SLC24A2: variants seen among roughly 807,000 people sequenced by gnomAD.
SLC24A2 encodes the protein solute carrier family 24 member 2, also known as sodium/potassium/calcium exchanger 2.
In SLC24A2, 36 loss-of-function variants were observed where a neutral mutation model predicts 62.0. The observed-to-expected ratio is 0.58, with a 90% CI of 0.44 to 0.77. The LOEUF is 0.77. SLC24A2 is among the 30% of genes least tolerant of loss of function. The pLI is 0.00. For missense variants in SLC24A2, 846 were observed against 817.9 expected (o/e 1.03, Z -0.42); for synonymous variants, 358 against 294.0 (o/e 1.22, Z -2.23).
the SLC24A2 span, among the ~76,000 whole-genome samples, chr9:20,257,949 G>A: frequency 3.9e-5 from 6 of 152,282 alleles, no homozygotes; most frequent in East Asian, 7.7e-4. Context: ...AAAGGGGGCT[G>A]TCTAAAAATA....
chr9:19,547,280 G>A (rs1834629024), intron 8 of SLC24A2, among the ~76,000 whole-genome samples: 1 of 152,158 alleles, frequency 6.6e-6, no homozygotes, highest in Non-Finnish European at 1.5e-5. Context: ...GCACTTGGGG[G>A]AGCAATGAAG....
At chr9:19,549,252 C>T (rs73645418) in intron 8 of SLC24A2, among the ~76,000 whole-genome samples, 4,390 of 152,312 alleles carry the variant, frequency 0.029, 208 homozygotes, top group African/African-American at 0.098. Context: ...AGTTGCCCTT[C>T]TTACCTTCTC....
At chr9:19,831,431 C>G in the SLC24A2 span, among the ~76,000 whole-genome samples, 1 of 152,302 alleles carries the variant, frequency 6.6e-6, no homozygotes, top group East Asian at 1.9e-4. Context: ...TGAAATACCT[C>G]CTTCCTGCTG....
intron 2 of SLC24A2, among the ~76,000 whole-genome samples, chr9:19,699,537 C>T (rs1330517468): frequency 6.6e-6 from 1 of 152,122 alleles, no homozygotes; most frequent in Non-Finnish European, 1.5e-5. Flanking sequence ...CTTAAGATTA[C>T]TTAATGACCT....
chr9:20,244,951 T>A, the SLC24A2 span, among the ~76,000 whole-genome samples: 1 of 152,220 alleles, frequency 6.6e-6, no homozygotes, highest in East Asian at 1.9e-4. Context: ...TGAAATAATG[T>A]ACATAAACCT....
the SLC24A2 span, among the ~76,000 whole-genome samples, chr9:20,274,265 G>A: frequency 6.6e-6 from 1 of 152,164 alleles, no homozygotes; most frequent in Non-Finnish European, 1.5e-5. Context: ...CAGGAGTGCT[G>A]GGGGCCTGCT....
chr9:19,792,618 G>A (rs1270443466), upstream of SLC24A2, among the ~76,000 whole-genome samples: 1 of 150,798 alleles, frequency 6.6e-6, no homozygotes, highest in Non-Finnish European at 1.5e-5. Flanking sequence ...TGAGGTAGGA[G>A]AATCACTTGA....
At chr9:20,191,646 C>T in the SLC24A2 span, among the ~76,000 whole-genome samples, 1 of 151,096 alleles carries the variant, frequency 6.6e-6, no homozygotes. Context: ...AGTGTGGCCT[C>T]CTTGTGGCAG....
intron 7 of SLC24A2, among the ~76,000 whole-genome samples, chr9:19,562,736 T>C (rs1835465994): frequency 6.6e-6 from 1 of 152,174 alleles, no homozygotes; most frequent in Admixed American, 6.5e-5. Flanking sequence ...TTATAATTTG[T>C]CTTAGGTTTT....
At chr9:19,881,409 G>T in the SLC24A2 span, among the ~76,000 whole-genome samples, 25 of 152,298 alleles carry the variant, frequency 1.6e-4, no homozygotes, top group African/African-American at 5.8e-4. Context: ...ACCATCTACT[G>T]ACTTAGGCTA....
At chr9:19,872,420 T>G in the SLC24A2 span, among the ~76,000 whole-genome samples, 1 of 152,212 alleles carries the variant, frequency 6.6e-6, no homozygotes, top group Non-Finnish European at 1.5e-5. Context: ...GATACACATT[T>G]CTAGTGATTG....
the SLC24A2 span, among the ~76,000 whole-genome samples, chr9:20,109,163 T>C: frequency 6.6e-6 from 1 of 152,194 alleles, no homozygotes; most frequent in South Asian, 2.1e-4. Context: ...TTTGGGTACG[T>C]ATACTCTCTG....
At chr9:19,906,974 T>G in the SLC24A2 span, among the ~76,000 whole-genome samples, 1 of 152,322 alleles carries the variant, frequency 6.6e-6, no homozygotes, top group Non-Finnish European at 1.5e-5. Flanking sequence ...TAACTCATTT[T>G]ATGAGGCCAG....
At chr9:19,793,313 C>A (rs1823342531), upstream of SLC24A2, among the ~76,000 whole-genome samples, 1 of 152,218 alleles carries the variant, frequency 6.6e-6, no homozygotes, top group Non-Finnish European at 1.5e-5. Context: ...TAGAACACTG[C>A]CATTTGCTGT....
the SLC24A2 span, among the ~76,000 whole-genome samples, chr9:20,042,015 C>G: frequency 6.6e-6 from 1 of 152,192 alleles, no homozygotes; most frequent in Non-Finnish European, 1.5e-5. Flanking sequence ...AAGAGTCTGG[C>G]ACCTGTGGTG....
the SLC24A2 span, among the ~76,000 whole-genome samples, chr9:19,894,385 T>C: frequency 6.6e-6 from 1 of 152,246 alleles, no homozygotes; most frequent in Non-Finnish European, 1.5e-5. Flanking sequence ...CCCCAGCATT[T>C]TGAATACGTT....
chr9:19,910,912 ATTTTTT>A, the SLC24A2 span, among the ~76,000 whole-genome samples: 1 of 138,798 alleles, frequency 7.2e-6, no homozygotes, highest in African/African-American at 2.7e-5. Context: ...CTTTTCTTTT[ATTTTTT>A]ATTTTATTAT....
chr9:19,762,793 C>CTTTTTTTTTTTTTTTTTTTTTTTTT lies in SLC24A2; in HGVS notation c.930+23143_930+23144insAAAAAAAAAAAAAAAAAAAAAAAAA, dbSNP rs58241037. Among the ~76,000 whole-genome samples the CTTTTTTTTTTTTTTTTTTTTTTTTT allele has an allele frequency of 2.0e-5, 2 of 102,394 alleles. 1 individual carries two copies. Among genetic ancestry groups the CTTTTTTTTTTTTTTTTTTTTTTTTT allele is most frequent in the African/African-American group, 7.3e-5 (2 of 27,348 alleles). The allele number at this position is 102,394 out of a possible 152,430, so 67.2% of individuals were successfully genotyped here. A position where few individuals can be genotyped will look rare whatever the true frequency, so the allele number is the denominator to read the frequency against. On this transcript the variant is annotated intron_variant, in intron 2 of 10. Transcript: ENST00000341998. ...CTTAGGATTGTCTTGGCTATATGTG[C>CTTTTTTTTTTTTTTTTTTTTTTTTT]TTTTTTTTTTTTTTTTTTGGTTCCA...
chr9:19,759,088 T>C (rs1004252342), intron 2 of SLC24A2, among the ~76,000 whole-genome samples: 6 of 152,216 alleles, frequency 3.9e-5, no homozygotes, highest in African/African-American at 1.4e-4. Flanking sequence ...TAGCTTACTT[T>C]GTGATCCTGC....
Sources: allele counts gnomAD v4.1 joint callset (sites outside exome capture counted in the v4.1 genomes callset), GRCh38; gene constraint gnomAD v4.1.1; transcripts MANE v1.5; gene names NCBI Gene and HGNC (gene_info 2026-07-23, HGNC 2026-07-21).